The following ATRX variants were observed in gnomAD, a reference collection of about 807,000 sequenced individuals.
ATRX encodes chromatin remodeler ATRX.
Under a neutral mutation model 172.6 loss-of-function variants are expected in ATRX, and 12 were observed. The observed-to-expected ratio is 0.07, with a 90% CI of 0.04 to 0.11. The LOEUF is 0.11. Among genes scored for constraint, ATRX ranks in the 10% least tolerant of loss-of-function variants. The pLI, the probability that ATRX is intolerant of heterozygous loss-of-function variation, is 1.00. For synonymous variants in ATRX, 674 were observed against 594.7 expected (o/e 1.13, Z -1.94); for missense variants, 1,368 against 1,767.4 (o/e 0.77, Z 4.05).
chrX:77,746,113 G>A (rs1662843958), intron 1 of ATRX, among the ~76,000 whole-genome samples: 1 of 111,199 alleles, frequency 9.0e-6, no homozygotes, highest in Non-Finnish European at 1.9e-5. Context: ...CATGGACGTA[G>A]AGCATGGAAT....
At chrX:77,629,525 A>G (rs1391601102) in intron 19 of ATRX, among the ~76,000 whole-genome samples, 3 of 112,391 alleles carry the variant, frequency 2.7e-5, no homozygotes, top group African/African-American at 9.7e-5. Flanking sequence ...CAGAGGAACT[A>G]TCTCTAATAC....
chrX:77,533,575 G>C (rs2063653684), intron 30 of ATRX, among the ~76,000 whole-genome samples: 1 of 111,158 alleles, frequency 9.0e-6, no homozygotes, highest in Non-Finnish European at 1.9e-5. Flanking sequence ...AGTGGGACCT[G>C]ATCGATGAGA....
At chrX:77,542,509 A>G (rs2064047148) in intron 30 of ATRX, among the ~76,000 whole-genome samples, 1 of 112,322 alleles carries the variant, frequency 8.9e-6, no homozygotes, top group Non-Finnish European at 1.9e-5. Flanking sequence ...TGCAAAGCCA[A>G]GACAATTCTA....
chrX:77,551,196 C>T (rs891047901), intron 30 of ATRX, among the ~76,000 whole-genome samples: 64 of 111,787 alleles, frequency 5.7e-4, no homozygotes, highest in Non-Finnish European at 7.9e-4. Flanking sequence ...GGAGGCATCA[C>T]GCTACCTGAC....
Position 77,682,486 on chromosome X carries a change from G to T in ATRX, c.2770C>A (p.Leu924Ile), listed in dbSNP as rs1569538903. 4.1e-6 allele frequency: 5 copies of T among 1,211,307 alleles called. No individual in the cohort carries two copies. Among genetic ancestry groups the T allele is most frequent in the Non-Finnish European group, 5.6e-6 (5 of 895,297 alleles). ...GTAAAACTCTCCTCTTTCCCAGAAAGCTTATCGACACCATCAGTGGAAGCA... is the reference window on the plus strand; with the variant it reads ...GTAAAACTCTCCTCTTTCCCAGAAATCTTATCGACACCATCAGTGGAAGCA... ...ASASTDGVDK[L>I]SGKEESFTSL... Residue 924 changes from leucine to isoleucine, a missense_variant, in exon 9 of 35, where the codon CTT (leucine) becomes ATT (isoleucine). Transcript: ENST00000373344.
At chrX:77,689,051 A>G (rs1218351345) in intron 6 of ATRX, 124 bp from the exon 7 acceptor site, 8 of 552,165 alleles carry the variant, frequency 1.4e-5, no homozygotes, top group Non-Finnish European at 2.5e-5. Context: ...AAAATGGCAT[A>G]TTGGACACAA....
intron 1 of ATRX, among the ~76,000 whole-genome samples, chrX:77,781,774 A>C (rs1557205716): frequency 1.8e-5 from 2 of 111,589 alleles, no homozygotes; most frequent in Non-Finnish European, 3.8e-5. Context: ...CACTGGCTTC[A>C]ACTATTTAAA....
intron 1 of ATRX, among the ~76,000 whole-genome samples, chrX:77,747,690 T>G (rs1418218370): frequency 1.8e-5 from 2 of 111,558 alleles, no homozygotes; most frequent in Admixed American, 9.6e-5. Flanking sequence ...CACAATCTAA[T>G]AGTAAAGACA....
At chrX:77,765,584 G>A (rs1387616796) in intron 1 of ATRX, among the ~76,000 whole-genome samples, 1 of 112,110 alleles carries the variant, frequency 8.9e-6, no homozygotes, top group Non-Finnish European at 1.9e-5. Context: ...TGAACTGGGA[G>A]TCAGATAACC....
At chrX:77,511,095 C>CAG (rs782495843) in intron 34 of ATRX, among the ~76,000 whole-genome samples, 1 of 112,316 alleles carries the variant, frequency 8.9e-6, no homozygotes, top group Non-Finnish European at 1.9e-5. Context: ...TTAGCACAGA[C>CAG]AGAGAGAGAT....
chrX:77,716,109 AATTTTTTTTTTTT>A (rs1282342794), intron 2 of ATRX, among the ~76,000 whole-genome samples: 9 of 67,952 alleles, frequency 1.3e-4, no homozygotes, highest in African/African-American at 5.8e-4. Context: ...TGTCTCTAAA[AATTTTTTTTTTTT>A]TTTTTTTTTT....
At chrX:77,767,190 G>C (rs1287116004) in intron 1 of ATRX, among the ~76,000 whole-genome samples, 2 of 108,431 alleles carry the variant, frequency 1.8e-5, no homozygotes, top group African/African-American at 6.7e-5. Context: ...GCTTCGGCTC[G>C]GCATCAGAGG....
chrX:77,522,519 A>G, intron 31 of ATRX, 131 bp from the exon 32 acceptor site: 1 of 761,534 alleles, frequency 1.3e-6, no homozygotes, highest in Non-Finnish European at 2.0e-6. Context: ...ACACACAAAC[A>G]AAACACCCTT....
At chrX:77,762,534 T>C (rs945328166) in intron 1 of ATRX, among the ~76,000 whole-genome samples, 33 of 111,034 alleles carry the variant, frequency 3.0e-4, no homozygotes, top group Non-Finnish European at 5.7e-5. Flanking sequence ...TGAGTTGTCA[T>C]AATGTGGAAC....
At chrX:77,515,787 C>T (rs1377570811) in intron 34 of ATRX, among the ~76,000 whole-genome samples, 1 of 112,278 alleles carries the variant, frequency 8.9e-6, no homozygotes, top group Non-Finnish European at 1.9e-5. Flanking sequence ...GATCAAAAAT[C>T]TACTTTCTCA....
chrX:77,635,447 A>C (rs782292672), intron 16 of ATRX, among the ~76,000 whole-genome samples: 1 of 111,817 alleles, frequency 8.9e-6, no homozygotes, highest in East Asian at 2.8e-4. Flanking sequence ...AACACTGAGC[A>C]AGAAAGGGGA....
At chrX:77,668,364 T>C (rs781887670) in intron 10 of ATRX, among the ~76,000 whole-genome samples, 2 of 111,827 alleles carry the variant, frequency 1.8e-5, no homozygotes, top group South Asian at 7.6e-4. Flanking sequence ...TCATGCTGGA[T>C]GTATAGTCAT....
intron 34 of ATRX, among the ~76,000 whole-genome samples, chrX:77,515,546 C>T (rs1026840203): frequency 7.2e-5 from 8 of 111,370 alleles, no homozygotes; most frequent in African/African-American, 9.8e-5. Flanking sequence ...TCCCCTCATA[C>T]GGCATTCATT....
rs2064137669 is a variant in ATRX at position 77,544,208 on chromosome X, G to A, written c.6699+13243C>T. On this transcript the variant is annotated intron_variant, in intron 30 of 34. Coordinates refer to ENST00000373344, the MANE Select transcript of ATRX (RefSeq NM_000489.6). ...ACAATAATTGGTAAATCTAGCGGAT[G>A]GGTATATGAATATATTTTTCTGGTT... Among the ~76,000 whole-genome samples, 4 of 111,104 alleles carry A rather than the reference G, an allele frequency of 3.6e-5. No individual in the cohort carries two copies. The South Asian group carries it at 1.1e-3, about 31-fold the overall frequency.
Sources: allele counts gnomAD v4.1 joint callset (sites outside exome capture counted in the v4.1 genomes callset), GRCh38; gene constraint gnomAD v4.1.1; transcripts MANE v1.5; gene names NCBI Gene and HGNC (gene_info 2026-07-23, HGNC 2026-07-21).